The following CAMK1D variants were observed in gnomAD, a reference collection of about 807,000 sequenced individuals.
The protein encoded by CAMK1D is calcium/calmodulin dependent protein kinase ID, also known as calcium/calmodulin-dependent protein kinase type 1D.
In CAMK1D, 9 loss-of-function variants were observed where a neutral mutation model predicts 47.7. The observed-to-expected ratio is 0.19, with a 90% CI of 0.11 to 0.33. The LOEUF (loss-of-function observed/expected upper bound fraction) is 0.33. CAMK1D is among the 10% of genes least tolerant of loss of function. The pLI is 1.00. For missense variants in CAMK1D, 291 were observed against 488.7 expected, an observed-to-expected ratio of 0.60 and a Z score of 3.81; for synonymous variants, 184 against 184.9, an observed-to-expected ratio of 0.99 and a Z score of 0.04.
intron 10 of CAMK1D, among the ~76,000 whole-genome samples, chr10:12,826,305 A>G (rs1644391): frequency 2.0e-5 from 3 of 151,860 alleles, no homozygotes; most frequent in African/African-American, 7.3e-5. Context: ...CTCATTGTAC[A>G]GTCACTCTTG....
intron 1 of CAMK1D, among the ~76,000 whole-genome samples, chr10:12,496,661 A>G (rs1316803553): frequency 6.6e-6 from 1 of 152,212 alleles, no homozygotes; most frequent in Non-Finnish European, 1.5e-5. Context: ...CTCTGTGACA[A>G]TACCAAATTT....
intron 1 of CAMK1D, among the ~76,000 whole-genome samples, chr10:12,357,425 C>T (rs1410054691): frequency 6.6e-6 from 1 of 152,088 alleles, no homozygotes; most frequent in East Asian, 1.9e-4. Context: ...AAGTGATTCT[C>T]CTGCCTCAGC....
intron 2 of CAMK1D, among the ~76,000 whole-genome samples, chr10:12,613,307 C>T (rs1196999879): frequency 6.6e-6 from 1 of 152,188 alleles, no homozygotes; most frequent in Non-Finnish European, 1.5e-5. Context: ...TTGCTCACTG[C>T]AGCAGCACGC....
At chr10:12,687,668 G>A (rs1172943705) in intron 3 of CAMK1D, among the ~76,000 whole-genome samples, 1 of 152,200 alleles carries the variant, frequency 6.6e-6, no homozygotes, top group East Asian at 1.9e-4. Context: ...ACTAGGACAG[G>A]AGGCATCATT....
chr10:12,471,887 T>G (rs556983126), intron 1 of CAMK1D, among the ~76,000 whole-genome samples: 15 of 151,782 alleles, frequency 9.9e-5, no homozygotes, highest in Admixed American at 2.6e-4. Flanking sequence ...ACAAAAAAAT[T>G]AGCAGGGCTT....
intron 2 of CAMK1D, among the ~76,000 whole-genome samples, chr10:12,555,205 C>T (rs1000000275): frequency 6.6e-5 from 10 of 152,136 alleles, no homozygotes; most frequent in African/African-American, 1.9e-4. Flanking sequence ...CTGAATAAAC[C>T]GTCTCGCCCA....
At chr10:12,657,060 G>C (rs1167701457) in intron 2 of CAMK1D, among the ~76,000 whole-genome samples, 1 of 152,060 alleles carries the variant, frequency 6.6e-6, no homozygotes, top group Non-Finnish European at 1.5e-5. Context: ...ATTTCTTTTT[G>C]TGTGCACTTT....
chr10:12,617,804 G>T (rs1588695485), intron 2 of CAMK1D, among the ~76,000 whole-genome samples: 1 of 152,182 alleles, frequency 6.6e-6, no homozygotes, highest in Admixed American at 6.5e-5. Flanking sequence ...GAAAAAGCAT[G>T]TCACTGAAAT....
intron 1 of CAMK1D, among the ~76,000 whole-genome samples, chr10:12,411,120 C>G (rs911314758): frequency 1.3e-5 from 2 of 152,174 alleles, no homozygotes; most frequent in African/African-American, 4.8e-5. Flanking sequence ...CATCAACTCA[C>G]CAAACATTGG....
At chr10:12,718,288 G>C (rs1834233855) in intron 3 of CAMK1D, among the ~76,000 whole-genome samples, 1 of 152,120 alleles carries the variant, frequency 6.6e-6, no homozygotes, top group South Asian at 2.1e-4. Context: ...ACACTATTTG[G>C]TTTCTTTTAA....
At chr10:12,412,914 A>C (rs530636539) in intron 1 of CAMK1D, among the ~76,000 whole-genome samples, 43 of 152,034 alleles carry the variant, frequency 2.8e-4, no homozygotes, top group Non-Finnish European at 5.0e-4. Flanking sequence ...AACGCATCCT[A>C]CTGCGTTTTG....
chr10:12,622,983 C>T (rs1839044341), intron 2 of CAMK1D, among the ~76,000 whole-genome samples: 1 of 151,486 alleles, frequency 6.6e-6, no homozygotes, highest in Admixed American at 6.6e-5. Flanking sequence ...ACTGCCTTCC[C>T]TCCCTCCAAT....
chr10:12,531,032 T>C (rs2132220546), intron 1 of CAMK1D, among the ~76,000 whole-genome samples: 1 of 147,006 alleles, frequency 6.8e-6, no homozygotes, highest in South Asian at 2.2e-4. Context: ...CACTCTAGCC[T>C]GGAAGACAGG....
intron 3 of CAMK1D, among the ~76,000 whole-genome samples, chr10:12,750,463 G>T (rs1317869035): frequency 6.6e-6 from 1 of 152,148 alleles, no homozygotes; most frequent in Admixed American, 6.5e-5. Context: ...TCTGCTGGGG[G>T]TCCCTGCACA....
intron 1 of CAMK1D, among the ~76,000 whole-genome samples, chr10:12,381,649 A>G (rs1838350567): frequency 6.6e-6 from 1 of 152,172 alleles, no homozygotes. Context: ...TTTAAAGAAG[A>G]CAGTGCAAGC....
In CAMK1D at chr10:12,702,410, T is replaced by A. The variant is rs943946026; in HGVS notation, c.299+35600T>A. Among the ~76,000 whole-genome samples the A allele has an allele frequency of 7.2e-5, 11 of 152,278 alleles. No individual in the cohort carries two copies. The East Asian group carries it at 2.1e-3, about 29-fold the overall frequency. ...GGCAAACACAGTACAGGGTGTGGGATCTGTTTCTGACACTCTTGAGAGCTA... is the reference window on the plus strand; with the variant it reads ...GGCAAACACAGTACAGGGTGTGGGAACTGTTTCTGACACTCTTGAGAGCTA... On this transcript the variant is annotated intron_variant, in intron 3 of 10. Transcript: ENST00000619168.
chr10:12,716,841 G>A (rs997930549), intron 3 of CAMK1D, among the ~76,000 whole-genome samples: 3 of 152,124 alleles, frequency 2.0e-5, no homozygotes, highest in African/African-American at 7.2e-5. Context: ...GGCCAGGCTG[G>A]TACCATCACC....
chr10:12,374,236 G>T (rs1838098431), intron 1 of CAMK1D, among the ~76,000 whole-genome samples: 3 of 122,422 alleles, frequency 2.5e-5, no homozygotes, highest in African/African-American at 9.6e-5. Flanking sequence ...CTCCAGCCTT[G>T]TGACAGAGCG....
chr10:12,672,460 CCGGGTT>C (rs1840655184), intron 3 of CAMK1D, among the ~76,000 whole-genome samples: 1 of 152,012 alleles, frequency 6.6e-6, no homozygotes, highest in Non-Finnish European at 1.5e-5. Flanking sequence ...CCTCTGCCTC[CCGGGTT>C]CAAGTGAGTC....
Sources: allele counts gnomAD v4.1 joint callset (sites outside exome capture counted in the v4.1 genomes callset), GRCh38; gene constraint gnomAD v4.1.1; transcripts MANE v1.5; gene names NCBI Gene and HGNC (gene_info 2026-07-23, HGNC 2026-07-21).